The following FMN1 variants were observed in gnomAD, a reference collection of about 807,000 sequenced individuals.
FMN1 encodes the protein formin-1.
FMN1 carries 110 observed loss-of-function variants against 132.4 expected under a neutral mutation model. The ratio of observed to expected loss-of-function variants is 0.83; its 90% CI spans 0.71 to 0.97. FMN1 has a LOEUF of 0.97. Among genes scored for constraint, FMN1 ranks in the 50% least tolerant of loss-of-function variants. The probability of loss-of-function intolerance (pLI) is 0.00; values close to 1 mark genes in which losing one functional copy is unlikely to be tolerated. For synonymous variants in FMN1, 722 were observed against 651.7 expected (o/e 1.11, Z -1.64); for missense variants, 1,792 against 1,705.3 (o/e 1.05, Z -0.90).
chr15:33,128,968 G>C (rs1334125895), intron 4 of FMN1, among the ~76,000 whole-genome samples: 1 of 152,180 alleles, frequency 6.6e-6, no homozygotes, highest in Non-Finnish European at 1.5e-5. Flanking sequence ...ACAGAGTGCT[G>C]ATTGGTCCAT....
intron 4 of FMN1, among the ~76,000 whole-genome samples, chr15:33,128,177 G>A (rs1963295444): frequency 6.6e-6 from 1 of 151,908 alleles, no homozygotes; most frequent in African/African-American, 2.4e-5. Flanking sequence ...AATAAAGCAA[G>A]CAAACAAATT....
chr15:32,884,847 A>C (rs560978113), intron 16 of FMN1, among the ~76,000 whole-genome samples: 3 of 152,334 alleles, frequency 2.0e-5, no homozygotes, highest in African/African-American at 4.8e-5. Flanking sequence ...AGAAGCAAGC[A>C]CAAGTGCTCT....
chr15:33,150,855 G>C (rs1387279289), intron 4 of FMN1: 30 of 989,592 alleles, frequency 3.0e-5, no homozygotes, highest in African/African-American at 7.0e-5. Context: ...TGGGAGAAAG[G>C]TGGGAGTTGG....
chr15:33,083,904 C>G (rs867538993), intron 5 of FMN1, among the ~76,000 whole-genome samples: 1 of 152,296 alleles, frequency 6.6e-6, no homozygotes. Context: ...ATCCTCACGG[C>G]TCATTACATG....
At chr15:33,180,660 G>C (rs1030523183) in intron 2 of FMN1, among the ~76,000 whole-genome samples, 1 of 150,702 alleles carries the variant, frequency 6.6e-6, no homozygotes, top group Admixed American at 6.6e-5. Context: ...ACTGCAATGA[G>C]AACAATCATT....
At chr15:32,826,421 G>A (rs1004176052) in intron 17 of FMN1, among the ~76,000 whole-genome samples, 1 of 152,208 alleles carries the variant, frequency 6.6e-6, no homozygotes, top group Non-Finnish European at 1.5e-5. Context: ...TAAGGAGAAA[G>A]AGGAAACAAG....
intron 19 of FMN1, among the ~76,000 whole-genome samples, chr15:32,780,035 T>A: frequency 6.6e-6 from 1 of 152,222 alleles, no homozygotes; most frequent in Admixed American, 6.5e-5. Flanking sequence ...CTATCACTTA[T>A]TAACTGTGTG....
intron 4 of FMN1, among the ~76,000 whole-genome samples, chr15:33,127,210 ATCTC>A (rs538283091): frequency 6.6e-6 from 1 of 151,520 alleles, no homozygotes; most frequent in African/African-American, 2.5e-5. Flanking sequence ...CAAAAATATA[ATCTC>A]AAGAAAAATC....
chr15:33,056,762 A>G (rs2037235850), intron 6 of FMN1, among the ~76,000 whole-genome samples: 2 of 152,352 alleles, frequency 1.3e-5, no homozygotes, highest in Non-Finnish European at 2.9e-5. Flanking sequence ...ATGGAATACT[A>G]TAGGGGAATG....
intron 10 of FMN1, among the ~76,000 whole-genome samples, chr15:32,918,983 A>G (rs1275094688): frequency 6.6e-6 from 1 of 152,184 alleles, no homozygotes; most frequent in African/African-American, 2.4e-5. Context: ...GTGACTACTT[A>G]TATTTATCTA....
At chr15:32,872,529 T>C (rs74012232) in intron 16 of FMN1, among the ~76,000 whole-genome samples, 4,249 of 152,348 alleles carry the variant, frequency 0.028, 177 homozygotes, top group African/African-American at 0.088. Context: ...AAAATGCATA[T>C]TTTGTGGCAA....
chr15:32,829,209 CAATAACAAAAATTTG>C (rs1307359196), intron 17 of FMN1, among the ~76,000 whole-genome samples: 1 of 152,122 alleles, frequency 6.6e-6, no homozygotes, highest in Non-Finnish European at 1.5e-5. Flanking sequence ...GACAAATACC[CAATAACAAAAATTTG>C]CCATGCAATA....
chr15:33,060,708 A>T (rs998001467), intron 6 of FMN1, among the ~76,000 whole-genome samples: 1 of 152,206 alleles, frequency 6.6e-6, no homozygotes, highest in Non-Finnish European at 1.5e-5. Context: ...CAGCTCTGAG[A>T]TGCTTCAGGT....
At chr15:32,898,929 C>T (rs1296262757) in intron 14 of FMN1, 36 bp from the exon 15 acceptor site, 5 of 1,352,762 alleles carry the variant, frequency 3.7e-6, no homozygotes, top group Non-Finnish European at 2.1e-6. Context: ...GAAAATCATT[C>T]CCATGAGACT....
intron 7 of FMN1, among the ~76,000 whole-genome samples, chr15:32,990,463 G>C (rs1410634451): frequency 2.0e-5 from 3 of 152,200 alleles, no homozygotes; most frequent in South Asian, 4.1e-4. Flanking sequence ...TGTTTCAGTA[G>C]AGTTGGAACG....
intron 6 of FMN1, among the ~76,000 whole-genome samples, chr15:33,022,813 T>A (rs1341649242): frequency 6.6e-6 from 1 of 151,856 alleles, no homozygotes; most frequent in Non-Finnish European, 1.5e-5. Context: ...ACTTGTTGCC[T>A]AGAAAAAGGG....
intron 17 of FMN1, among the ~76,000 whole-genome samples, chr15:32,833,728 C>A (rs943719539): frequency 6.6e-6 from 1 of 152,140 alleles, no homozygotes; most frequent in Non-Finnish European, 1.5e-5. Flanking sequence ...GTAAAGAAAA[C>A]CCATCTGAAA....
At chr15:33,074,338 A>G (rs1287106984) in intron 5 of FMN1, among the ~76,000 whole-genome samples, 2 of 152,236 alleles carry the variant, frequency 1.3e-5, no homozygotes, top group Admixed American at 1.3e-4. Context: ...CTAGTTTTGT[A>G]GCACTTTCCC....
chr15:32,887,518 A>G (rs948174838), intron 16 of FMN1, among the ~76,000 whole-genome samples: 8 of 152,236 alleles, frequency 5.3e-5, no homozygotes, highest in African/African-American at 1.9e-4. Flanking sequence ...TTGACTAATT[A>G]AAAATGTAAA....
Sources: gnomAD v4.1 joint callset for allele counts (sites outside exome capture counted in the v4.1 genomes callset) on GRCh38, gnomAD v4.1.1 for gene constraint, MANE v1.5 for transcripts, NCBI Gene and HGNC (gene_info 2026-07-23, HGNC 2026-07-21) for gene names.